Variants in PLCB3 observed in about 807,000 individuals in gnomAD.
PLCB3 encodes 1-phosphatidylinositol 4,5-bisphosphate phosphodiesterase beta-3.
In PLCB3, 54 loss-of-function variants were observed where a neutral mutation model predicts 152.1. The ratio of observed to expected loss-of-function variants is 0.36; its 90% CI spans 0.29 to 0.45. The LOEUF is 0.45. PLCB3 is among the 20% of genes least tolerant of loss of function. The pLI is 1.00. For missense variants in PLCB3, 1,248 were observed against 1,687.5 expected (o/e 0.74, Z 4.56); for synonymous variants, 717 against 698.7 (o/e 1.03, Z -0.41).
intron 8 of PLCB3, among the ~76,000 whole-genome samples, chr11:64,256,125 C>T (rs2031517889): frequency 1.3e-5 from 2 of 152,148 alleles, no homozygotes; most frequent in Non-Finnish European, 2.9e-5. Context: ...GGTGGGCTGA[C>T]CACTTGGCAG....
At chr11:64,264,850 G>A in intron 22 of PLCB3, 101 bp from the exon 23 acceptor site, 1 of 1,094,482 alleles carries the variant, frequency 9.1e-7, no homozygotes, top group Admixed American at 1.7e-5. Context: ...TGGACTAAGG[G>A]AGGCTGACAG....
At chr11:64,257,744 G>T (rs1486688550) in intron 10 of PLCB3, among the ~76,000 whole-genome samples, 3 of 152,150 alleles carry the variant, frequency 2.0e-5, no homozygotes, top group Non-Finnish European at 4.4e-5. Context: ...CAGGGGCCTA[G>T]AGGCACTTGG....
intron 25 of PLCB3, 135 bp from the exon 26 acceptor site, chr11:64,265,751 C>T (rs1305229337): frequency 1.5e-6 from 2 of 1,298,986 alleles, no homozygotes; most frequent in African/African-American, 3.0e-5. Context: ...TAACAGGCCT[C>T]CTGGTTTGCA....
rs763734789 is a variant in PLCB3 at position 64,260,009 on chromosome 11, T to C, written c.1526-20T>C. 12 of 1,604,084 alleles carry C rather than the reference T, an allele frequency of 7.5e-6. No homozygotes were observed. The highest frequency in any genetic ancestry group is 1.0e-5 in the Non-Finnish European group (12 of 1,174,964). On this transcript the variant is annotated intron_variant, in intron 13 of 30. Coordinates refer to ENST00000279230, the MANE Select transcript of PLCB3 (RefSeq NM_000932.5). ...GCTGTGTGGTCCTGACCCCTCACCCTGTGGCCCTGTCCTCTGCAGGGTCTC... is the reference window on the plus strand; with the variant it reads ...GCTGTGTGGTCCTGACCCCTCACCCCGTGGCCCTGTCCTCTGCAGGGTCTC...
At position 64,255,467 on chromosome 11, in the gene PLCB3, C is replaced by T. The variant is rs1164705545; in HGVS notation, c.521+18C>T. ...GTCAAGAAGTGAGCACCCCTTCCCC[C>T]AGCACCTTCCTCCTGCCCTGACCTT... On this transcript the variant is annotated intron_variant, in intron 6 of 30. Coordinates refer to ENST00000279230, the MANE Select transcript of PLCB3 (RefSeq NM_000932.5). This position sits in a 1 kb window ranked among gnomAD's most constrained non-coding sequence, Gnocchi z 6.8. 4 of 1,614,142 alleles carry T rather than the reference C, an allele frequency of 2.5e-6. No individual in the cohort carries two copies. The highest frequency in any genetic ancestry group is 1.1e-5 in the South Asian group (1 of 91,080).
chr11:64,265,638 G>C, intron 25 of PLCB3, 136 bp downstream of exon 25: 1 of 1,394,222 alleles, frequency 7.2e-7, no homozygotes, highest in East Asian at 2.5e-5. Flanking sequence ...GATGGAGGAG[G>C]CTTTCCACAC....
In PLCB3 at chr11:64,266,087, G is replaced by T. The variant is rs371103457; in HGVS notation, c.3190-39G>T. The T allele has an allele frequency of 1.2e-6, 2 of 1,613,938 alleles. No homozygotes were observed. The highest frequency in any genetic ancestry group is 3.3e-5 in the Admixed American group (2 of 60,018). ...GGAAAGCCTGCTGGATAGACCCGTCGTCAGCCCGGCATCACCTGTCAGCTC... is the reference window on the plus strand; with the variant it reads ...GGAAAGCCTGCTGGATAGACCCGTCTTCAGCCCGGCATCACCTGTCAGCTC... On this transcript the variant is annotated intron_variant, in intron 26 of 30. Coordinates refer to ENST00000279230, the MANE Select transcript of PLCB3 (RefSeq NM_000932.5). The surrounding 1 kb of genome is among the most constrained non-coding windows in gnomAD (Gnocchi z 4.9).
downstream of PLCB3, chr11:64,268,823 A>G (rs889611911): frequency 2.0e-5 from 3 of 152,324 alleles, no homozygotes; most frequent in Non-Finnish European, 2.9e-5. Flanking sequence ...TCTCCTGCCA[A>G]TTGAGTATCT....
In PLCB3 at chr11:64,255,686, C is replaced by T; in HGVS notation, c.598-35C>T. On this transcript the variant is annotated intron_variant, in intron 7 of 30. Coordinates refer to ENST00000279230, the MANE Select transcript of PLCB3 (RefSeq NM_000932.5). This position sits in a 1 kb window ranked among gnomAD's most constrained non-coding sequence, Gnocchi z 6.8. ...CACCCACCCTTACGGGGCTGCCCGC[C>T]CCTGGCTTCTCACCCCACACTCCTC... 1 of 1,610,122 alleles carries T rather than the reference C, an allele frequency of 6.2e-7. No individual in the cohort carries two copies. Among genetic ancestry groups the T allele is most frequent in the Non-Finnish European group, 8.5e-7 (1 of 1,176,860 alleles).
At chr11:64,261,554 G>T (rs924281776) in intron 15 of PLCB3, 27 bp from the exon 16 acceptor site, 1 of 1,613,348 alleles carries the variant, frequency 6.2e-7, no homozygotes, top group Non-Finnish European at 8.5e-7. Flanking sequence ...TGCCAGGTCT[G>T]ACGCCCTTTC....
In PLCB3 at chr11:64,258,177, G is replaced by GC. The variant is rs2031640884; in HGVS notation, c.1013-296_1013-295insC. ...TCAAAAAAAAAAAAAAAAGAGATTG[G>GC]ATTGGAGGCAGGGAGGGCTGGAGTC... On this transcript the variant is annotated intron_variant, in intron 10 of 30. Transcript: ENST00000279230. This position sits in a 1 kb window ranked among gnomAD's most constrained non-coding sequence, Gnocchi z 7.2. Among the ~76,000 whole-genome samples the GC allele has an allele frequency of 1.3e-5, 2 of 151,936 alleles. No homozygotes were observed. The highest frequency in any genetic ancestry group is 3.9e-4 in the East Asian group (2 of 5,172).
At chr11:64,265,136 C>A in intron 23 of PLCB3, 32 bp downstream of exon 23, 1 of 1,551,038 alleles carries the variant, frequency 6.4e-7, no homozygotes, top group South Asian at 1.2e-5. Flanking sequence ...GGGTGGGCTG[C>A]AGGGAGGCAC....
At position 64,263,812 on chromosome 11, in the gene PLCB3, C is replaced by CG; in HGVS notation, c.2560+21dup. On this transcript the variant is annotated intron_variant, in intron 21 of 30. Transcript: ENST00000279230. ...ACCACCAGGGTGAGCTGGGGGTGGG[C>CG]GGGGCCTGCCTGGCCAGGGAGTGTG... 2.5e-6 allele frequency: 4 copies of CG among 1,597,072 alleles called. No homozygotes were observed. Among genetic ancestry groups the CG allele is most frequent in the Non-Finnish European group, 3.4e-6 (4 of 1,166,128 alleles).
intron 1 of PLCB3, among the ~76,000 whole-genome samples, chr11:64,253,256 G>A (rs752621183): frequency 2.6e-5 from 4 of 152,202 alleles, no homozygotes; most frequent in Non-Finnish European, 5.9e-5. Context: ...GTCACAGGAC[G>A]CTGCAACCAC....
rs887919708 is a variant in PLCB3, at chr11:64,255,910, C to A, written c.698+89C>A. 1 of 1,045,758 alleles carries A rather than the reference C, an allele frequency of 9.6e-7. No homozygotes were observed. Among genetic ancestry groups the A allele is most frequent in the Non-Finnish European group, 1.5e-6 (1 of 671,144 alleles). 64.8% of individuals were successfully genotyped at this position (1,045,758 alleles called of 1,614,324 possible). On this transcript the variant is annotated intron_variant, in intron 8 of 30. Transcript: ENST00000279230. The surrounding 1 kb of genome is among the most constrained non-coding windows in gnomAD (Gnocchi z 6.8). The stretch of plus-strand genomic sequence containing the variant: ...TCTAGCTCAATGGGGAGAGGGGAAA[C>A]TGGTGGGCCGGGTCCTGGAGCGCCA...
Position 64,262,505 on chromosome 11 carries a change from G to C in PLCB3, c.2137G>C (p.Asp713His), listed in dbSNP as rs780232749. 34 of 1,613,852 alleles carry C rather than the reference G, an allele frequency of 2.1e-5. No individual in the cohort carries two copies. In the Admixed American group the frequency reaches 5.7e-4, roughly 27 times the overall value. Reference protein sequence around the residue: ...EFMRRPDKSFDPFTEVIVDGI... With the variant: ...EFMRRPDKSFHPFTEVIVDGI... Reference sequence around the variant, plus strand: ...CATGCGGCGGCCGGACAAGTCCTTCGACCCCTTCACTGAGGTCATCGTGGA... The same window carrying C: ...CATGCGGCGGCCGGACAAGTCCTTCCACCCCTTCACTGAGGTCATCGTGGA... Residue 713 changes from aspartate to histidine, a missense_variant, in exon 18 of 31, where the codon GAC (aspartate) becomes CAC (histidine). Asp to His is a moderately conservative substitution (Grantham distance 81). Coordinates refer to ENST00000279230, the MANE Select transcript of PLCB3 (RefSeq NM_000932.5).
At chr11:64,256,798 C>G (rs1302540932) in intron 10 of PLCB3, 34 bp downstream of exon 10, 2 of 1,607,008 alleles carry the variant, frequency 1.2e-6, no homozygotes, top group East Asian at 2.2e-5. Context: ...CCCGTGACCT[C>G]TGCCCTGTGA....
At position 64,255,184 on chromosome 11, in the gene PLCB3, A is replaced by C; in HGVS notation, c.388-50A>C. On this transcript the variant is annotated intron_variant, in intron 4 of 30. Transcript: ENST00000279230. This position sits in a 1 kb window ranked among gnomAD's most constrained non-coding sequence, Gnocchi z 6.8. The stretch of plus-strand genomic sequence containing the variant: ...TTGTGGACCTGGGTTGTGGCTGGGC[A>C]GCCCCTGTGTCCCCCACTCACCGCC... The C allele has an allele frequency of 6.5e-7, 1 of 1,545,448 alleles. No homozygotes were observed. The highest frequency in any genetic ancestry group is 8.9e-7 in the Non-Finnish European group (1 of 1,120,056).
In PLCB3 at chr11:64,267,464, G is replaced by T; in HGVS notation, c.3613G>T (p.Val1205Leu). 1 of 1,560,716 alleles carries T rather than the reference G, an allele frequency of 6.4e-7. No homozygotes were observed. The highest frequency in any genetic ancestry group is 8.6e-7 in the Non-Finnish European group (1 of 1,157,030). The change falls in exon 31 of 31, where the codon GTG (valine) becomes TTG (leucine). Residue 1205 changes from valine to leucine, a missense_variant. By Grantham distance (32) the Val-to-Leu change is conservative. Around this residue, in one of 6 missense-constraint regions of PLCB3, gnomAD observed 477 missense variants for 489.6 expected, o/e 0.97. Coordinates refer to ENST00000279230, the MANE Select transcript of PLCB3 (RefSeq NM_000932.5). The surrounding 1 kb of genome is among the most constrained non-coding windows in gnomAD (Gnocchi z 5.2). Reference sequence around the variant, plus strand: ...GGAGGGGCTGGGGGACGGGCCTCTGGTGGCCTGTGCCAGCAACGGTCACGC... The same window carrying T: ...GGAGGGGCTGGGGGACGGGCCTCTGTTGGCCTGTGCCAGCAACGGTCACGC... ...MPEGLGDGPL[V>L]ACASNGHAPG...
Sources: gnomAD v4.1 joint callset for allele counts (sites outside exome capture counted in the v4.1 genomes callset) on GRCh38, gnomAD v4.1.1 for gene constraint, gnomAD v4.1.1 regional missense constraint, Gnocchi (gnomAD v3.1) non-coding constraint, MANE v1.5 for transcripts, NCBI Gene and HGNC (gene_info 2026-07-23, HGNC 2026-07-21) for gene names.